The following USH2A variants were observed in gnomAD, a reference collection of about 807,000 sequenced individuals.
The protein encoded by USH2A is usherin, also known as Usher syndrome 2A (autosomal recessive, mild).
A neutral mutation model predicts 538.9 loss-of-function variants in USH2A; 443 were observed. That is an observed-to-expected ratio of 0.82 (90% CI 0.76 to 0.89). USH2A has a LOEUF of 0.89. Ranked by LOEUF, USH2A falls within the 40% of genes least tolerant of loss-of-function variation. The pLI is 0.00. For synonymous variants in USH2A, 2,413 were observed against 2,273.5 expected, an observed-to-expected ratio of 1.06 and a Z score of -1.75; for missense variants, 6,633 against 6,324.8, an observed-to-expected ratio of 1.05 and a Z score of -1.65.
At chr1:216,382,599 A>C (rs1221117131) in intron 3 of USH2A, among the ~76,000 whole-genome samples, 3 of 152,182 alleles carry the variant, frequency 2.0e-5, no homozygotes, top group Non-Finnish European at 4.4e-5. Context: ...TGGCAATATA[A>C]ATTTAGAAAT....
chr1:216,205,674 C>T (rs1039701853), intron 16 of USH2A, among the ~76,000 whole-genome samples: 9 of 152,096 alleles, frequency 5.9e-5, no homozygotes, highest in Admixed American at 5.2e-4. Flanking sequence ...AGTTCTCCAA[C>T]TAATTAAGCA....
chr1:216,077,082 G>A (rs2031777968), intron 27 of USH2A, among the ~76,000 whole-genome samples: 1 of 152,026 alleles, frequency 6.6e-6, no homozygotes, highest in Admixed American at 6.6e-5. Flanking sequence ...CTGCTCTTCA[G>A]TTTCCTCATC....
chr1:216,294,499 C>G (rs1453531563), intron 9 of USH2A, among the ~76,000 whole-genome samples: 2 of 151,434 alleles, frequency 1.3e-5, no homozygotes, highest in Admixed American at 1.3e-4. Flanking sequence ...AAATAACATT[C>G]AACCCTTCTG....
chr1:216,275,295 G>A (rs2036651985), intron 11 of USH2A, among the ~76,000 whole-genome samples: 1 of 152,160 alleles, frequency 6.6e-6, no homozygotes, highest in South Asian at 2.1e-4. Context: ...TGGTCTTATT[G>A]TAATTTGCTG....
At chr1:216,265,826 CAT>C (rs1488528199) in intron 11 of USH2A, among the ~76,000 whole-genome samples, 5 of 152,088 alleles carry the variant, frequency 3.3e-5, no homozygotes, top group East Asian at 1.9e-4. Context: ...TGTTCTGACT[CAT>C]ATGTGGAAGC....
At chr1:215,733,197 C>T (rs934541180) in intron 60 of USH2A, among the ~76,000 whole-genome samples, 5 of 79,020 alleles carry the variant, frequency 6.3e-5, no homozygotes, top group South Asian at 6.7e-4. Flanking sequence ...AGAGAGGTGG[C>T]GGGGGGGCGG....
chr1:216,086,944 T>G, intron 23 of USH2A, 124 bp from the exon 24 acceptor site: 1 of 722,930 alleles, frequency 1.4e-6, no homozygotes. Flanking sequence ...CTCTCCTCAT[T>G]GCCTGTTCAT....
intron 9 of USH2A, among the ~76,000 whole-genome samples, chr1:216,320,517 T>G (rs914096714): frequency 6.6e-6 from 1 of 152,160 alleles, no homozygotes; most frequent in African/African-American, 2.4e-5. Flanking sequence ...AAAATTTAAT[T>G]TTAGTAGAGG....
rs563703510 is a variant in USH2A, at chr1:215,902,922, T to C, written c.7301-2017A>G. ...CCTTCATAGGAGTTGTAGGTCAGCATATATGTGATCTTTAAAGGCTGAGAT... is the reference window on the plus strand; with the variant it reads ...CCTTCATAGGAGTTGTAGGTCAGCACATATGTGATCTTTAAAGGCTGAGAT... On this transcript the variant is annotated intron_variant, in intron 38 of 71. Transcript: ENST00000307340. Among the ~76,000 whole-genome samples the C allele has an allele frequency of 1.2e-4, 18 of 152,142 alleles. No homozygotes were observed. The South Asian group carries it at 2.1e-3, about 18-fold the overall frequency.
At position 216,204,946 on chromosome 1, in the gene USH2A, T is replaced by C. The variant is rs1231274101; in HGVS notation, c.3316+2327A>G. 2.0e-5 allele frequency among the ~76,000 whole-genome samples: 3 copies of C among 152,332 alleles called. No homozygotes were observed. In the East Asian group the frequency reaches 5.8e-4, roughly 29 times the overall value. On this transcript the variant is annotated intron_variant, in intron 16 of 71. Coordinates refer to ENST00000307340, the MANE Select transcript of USH2A (RefSeq NM_206933.4). ...AATGATACCTTGTTTAATAGGATTA[T>C]ATAAATGTCTGATTAGTGAATGAAT...
chr1:215,778,387 G>A (rs2102759233), intron 55 of USH2A, among the ~76,000 whole-genome samples: 1 of 152,294 alleles, frequency 6.6e-6, no homozygotes, highest in Middle Eastern at 3.4e-3. Flanking sequence ...CCAGGATCTT[G>A]AGGTAAGGAA....
At position 216,251,016 on chromosome 1, in the gene USH2A, T is replaced by C. The variant is rs1313835334; in HGVS notation, c.2054A>G (p.Glu685Gly). Reference sequence around the variant, plus strand: ...GGGACTGCAGCCATCAGGATCCAACTCTTGTAGATTGTAGAATCCATTCTG... The same window carrying C: ...GGGACTGCAGCCATCAGGATCCAACCCTTGTAGATTGTAGAATCCATTCTG... ...QCQNGFYNLQELDPDGCSPCN... is the reference protein window; with the variant it reads ...QCQNGFYNLQGLDPDGCSPCN... The change falls in exon 12 of 72, where the codon GAG (glutamate) becomes GGG (glycine). Residue 685 changes from glutamate to glycine, a missense_variant. Glu to Gly is a moderately conservative substitution (Grantham distance 98). Coordinates refer to ENST00000307340, the MANE Select transcript of USH2A (RefSeq NM_206933.4). 4.3e-6 allele frequency: 7 copies of C among 1,614,064 alleles called. No individual in the cohort carries two copies. The South Asian group carries it at 6.6e-5, about 15-fold the overall frequency.
At chr1:215,818,175 T>A (rs1199331067) in intron 47 of USH2A, among the ~76,000 whole-genome samples, 1 of 151,890 alleles carries the variant, frequency 6.6e-6, no homozygotes, top group African/African-American at 2.4e-5. Flanking sequence ...TAGTTAAATT[T>A]TGGGACAGTC....
rs71167830 is a variant in USH2A at position 215,683,216 on chromosome 1, T to TACACACACAC, written c.12067-2850_12067-2841dup. The stretch of plus-strand genomic sequence containing the variant: ...ACTTTGTTATTCCTGAATAGTTTTA[T>TACACACACAC]ACACACACACACACACACACACACA... On this transcript the variant is annotated intron_variant, in intron 61 of 71. Transcript: ENST00000307340. 1.7e-3 allele frequency among the ~76,000 whole-genome samples: 260 copies of TACACACACAC among 149,680 alleles called. 1 individual carries two copies. The highest frequency in any genetic ancestry group is 6.0e-3 in the African/African-American group (243 of 40,370).
rs2034988712 is a variant in USH2A at position 216,201,105 on chromosome 1, T to C, written c.3317-984A>G. 4.0e-5 allele frequency among the ~76,000 whole-genome samples: 6 copies of C among 149,292 alleles called. No homozygotes were observed. In the Admixed American group the frequency reaches 4.1e-4, roughly 10 times the overall value. ...TGGAAAAGCTGAGTTTGCAGAAGAC[T>C]GAAACAGCAACAATGTTTAGCCTAG... On this transcript the variant is annotated intron_variant, in intron 16 of 71. Coordinates refer to ENST00000307340, the MANE Select transcript of USH2A (RefSeq NM_206933.4).
chr1:215,754,315 T>G (rs1197660369), intron 58 of USH2A, among the ~76,000 whole-genome samples: 1 of 152,224 alleles, frequency 6.6e-6, no homozygotes, highest in African/African-American at 2.4e-5. Context: ...CACTATTCCC[T>G]AGACCTTACC....
intron 41 of USH2A, among the ~76,000 whole-genome samples, 158 bp from the exon 42 acceptor site, chr1:215,879,256 G>A (rs1036895111): frequency 1.1e-4 from 17 of 152,194 alleles, no homozygotes; most frequent in South Asian, 2.1e-4. Flanking sequence ...TGAAGGGTTT[G>A]AGATCAATTA....
Position 215,743,386 on chromosome 1 carries a change from ATGTGTGTGTGTGTGTGTGTGTGTGTGTG to A in USH2A, c.11390-79_11390-52del, listed in dbSNP as rs61304768. 175 of 328,142 alleles carry A rather than the reference ATGTGTGTGTGTGTGTGTGTGTGTGTGTG, an allele frequency of 5.3e-4. 5 individuals carry two copies. The highest frequency in any genetic ancestry group is 8.8e-4 in the South Asian group (29 of 33,050). The allele number at this position is 328,142 out of a possible 1,614,324, so 20.3% of individuals were successfully genotyped here. Reference sequence around the variant, plus strand: ...ACATTAAAAACATATATATATATATATGTGTGTGTGTGTGTGTGTGTGTGTGTGTGTATATATATATAGACACACATAT... The same window carrying A: ...ACATTAAAAACATATATATATATATATGTATATATATATAGACACACATAT... On this transcript the variant is annotated intron_variant, in intron 58 of 71. Coordinates refer to ENST00000307340, the MANE Select transcript of USH2A (RefSeq NM_206933.4).
chr1:215,894,637 C>G (rs776029405), intron 40 of USH2A, among the ~76,000 whole-genome samples: 17 of 152,252 alleles, frequency 1.1e-4, no homozygotes, highest in Non-Finnish European at 1.6e-4. Context: ...CTAGAACATT[C>G]GTTAACCTAG....
Sources: allele counts gnomAD v4.1 joint callset (sites outside exome capture counted in the v4.1 genomes callset), GRCh38; gene constraint gnomAD v4.1.1; transcripts MANE v1.5; gene names NCBI Gene and HGNC (gene_info 2026-07-23, HGNC 2026-07-21).